SCN2A: variants seen among roughly 807,000 people sequenced by gnomAD.
SCN2A encodes sodium voltage-gated channel alpha subunit 2.
Under a neutral mutation model 188.7 loss-of-function variants are expected in SCN2A, and 20 were observed. The observed-to-expected ratio is 0.11, with a 90% CI of 0.07 to 0.15. SCN2A has a LOEUF of 0.15. Ranked by LOEUF, SCN2A falls within the 10% of genes least tolerant of loss-of-function variation. SCN2A has a pLI of 1.00. For synonymous variants in SCN2A, 804 were observed against 833.1 expected, an observed-to-expected ratio of 0.97 and a Z score of 0.60; for missense variants, 1,278 against 2,445.0, an observed-to-expected ratio of 0.52 and a Z score of 10.07.
intron 6 of SCN2A, among the ~76,000 whole-genome samples, chr2:165,309,692 G>A (rs1240544400): frequency 6.6e-6 from 1 of 152,094 alleles, no homozygotes; most frequent in African/African-American, 2.4e-5. Context: ...AGGCTACATG[G>A]TTTGCATCCT....
chr2:165,367,877 C>T (rs904843625), intron 19 of SCN2A, among the ~76,000 whole-genome samples: 2 of 152,032 alleles, frequency 1.3e-5, no homozygotes, highest in African/African-American at 4.8e-5. Context: ...CCATACCGGC[C>T]CCACAGGAGC....
Position 165,239,521 on chromosome 2 carries a change from G to A in SCN2A, c.-171G>A. 2.2e-6 allele frequency: 1 copy of A among 462,530 alleles called. No homozygotes were observed. The highest frequency in any genetic ancestry group is 2.8e-6 in the Non-Finnish European group (1 of 352,352). The allele number at this position is 462,530 out of a possible 1,614,324, so 28.7% of individuals were successfully genotyped here. A position where few individuals can be genotyped will look rare whatever the true frequency, so the allele number is the denominator to read the frequency against. On this transcript the variant is annotated 5_prime_UTR_variant, in exon 1 of 27. Transcript: ENST00000375437. ...GTTTTTTTCTTCTTTAATGAGGATA[G>A]AGCACATGTGAGATTTTACTTTCTA...
intron 3 of SCN2A, among the ~76,000 whole-genome samples, chr2:165,303,206 G>A (rs1244003983): frequency 6.6e-6 from 1 of 150,812 alleles, no homozygotes; most frequent in Non-Finnish European, 1.5e-5. Context: ...TTGATGCATG[G>A]CATCACCAAT....
At chr2:165,327,636 T>G (rs1426720661) in intron 13 of SCN2A, 1 of 153,102 alleles carries the variant, frequency 6.5e-6, no homozygotes, top group Non-Finnish European at 1.5e-5. Flanking sequence ...ATTTGTGACT[T>G]TGAATTTCAG....
intron 14 of SCN2A, among the ~76,000 whole-genome samples, chr2:165,340,114 G>C (rs181626551): frequency 2.0e-5 from 3 of 152,270 alleles, no homozygotes; most frequent in South Asian, 4.1e-4. Context: ...CCTCCACTTC[G>C]ATCTTATGCC....
rs1698918401 is a variant in SCN2A at position 165,335,167 on chromosome 2, G to A, written c.2388+3599G>A. ...ATAGATTAGAGGAAAATATTGTTAA[G>A]ATGGCAATACTCACCAAATTAATCT... On this transcript the variant is annotated intron_variant, in intron 14 of 26. Coordinates refer to ENST00000375437, the MANE Select transcript of SCN2A (RefSeq NM_001040142.2). Among the ~76,000 whole-genome samples, 3 of 151,508 alleles carry A rather than the reference G, an allele frequency of 2.0e-5. No homozygotes were observed. The South Asian group carries it at 6.2e-4, about 31-fold the overall frequency.
chr2:165,321,486 G>A (rs546150444), intron 11 of SCN2A, among the ~76,000 whole-genome samples: 2 of 152,280 alleles, frequency 1.3e-5, no homozygotes, highest in African/African-American at 4.8e-5. Flanking sequence ...TCATGCTGCT[G>A]ATAAAGACAT....
At chr2:165,361,784 T>C (rs1700470934) in intron 17 of SCN2A, among the ~76,000 whole-genome samples, 1 of 151,942 alleles carries the variant, frequency 6.6e-6, no homozygotes, top group Non-Finnish European at 1.5e-5. Flanking sequence ...GAAAACACTG[T>C]CAAAATGATT....
chr2:165,280,801 C>T (rs566605618), intron 1 of SCN2A, among the ~76,000 whole-genome samples: 88 of 152,288 alleles, frequency 5.8e-4, no homozygotes, highest in African/African-American at 2.0e-3. Context: ...AGGAGTACCT[C>T]CTTAACTAAT....
intron 1 of SCN2A, among the ~76,000 whole-genome samples, chr2:165,265,471 C>CTATATATATA (rs1178289931): frequency 0.012 from 341 of 28,972 alleles, 26 homozygotes; most frequent in Non-Finnish European, 0.016. Flanking sequence ...CTCTGTTGAT[C>CTATATATATA]TATATATATA....
At position 165,342,557 on chromosome 2, in the gene SCN2A, A is replaced by G. The variant is rs2105315084; in HGVS notation, c.2562+88A>G. 3 of 1,364,284 alleles carry G rather than the reference A, an allele frequency of 2.2e-6. No homozygotes were observed. The Admixed American group carries it at 5.0e-5, about 23-fold the overall frequency. The allele number at this position is 1,364,284 out of a possible 1,614,324, so 84.5% of individuals were successfully genotyped here. ...AGTAAAAATGGCAAGATTTCCCATCATTATAATATTATTTGAATACACTTC... is the reference window on the plus strand; with the variant it reads ...AGTAAAAATGGCAAGATTTCCCATCGTTATAATATTATTTGAATACACTTC... On this transcript the variant is annotated intron_variant, in intron 15 of 26. Transcript: ENST00000375437.
chr2:165,387,577 T>A (rs1050310643), intron 26 of SCN2A, among the ~76,000 whole-genome samples: 12 of 152,156 alleles, frequency 7.9e-5, no homozygotes, highest in African/African-American at 2.9e-4. Context: ...AGATTTGTTA[T>A]CATCAATGAT....
chr2:165,242,954 G>C (rs1693684353), intron 1 of SCN2A, among the ~76,000 whole-genome samples: 1 of 152,156 alleles, frequency 6.6e-6, no homozygotes, highest in African/African-American at 2.4e-5. Context: ...TTGTTCCTCA[G>C]TAAAGGCTAT....
In SCN2A at chr2:165,248,074, C is replaced by G. The variant is rs181026995; in HGVS notation, c.-52+8434C>G. Reference sequence around the variant, plus strand: ...AATATACCCAGGATCTATGTGCTGCCACCTTCACACTGCTACCCTGCTCAA... The same window carrying G: ...AATATACCCAGGATCTATGTGCTGCGACCTTCACACTGCTACCCTGCTCAA... On this transcript the variant is annotated intron_variant, in intron 1 of 26. Coordinates refer to ENST00000375437, the MANE Select transcript of SCN2A (RefSeq NM_001040142.2). 1.1e-4 allele frequency among the ~76,000 whole-genome samples: 16 copies of G among 152,228 alleles called. No homozygotes were observed. In the East Asian group the frequency reaches 2.9e-3, roughly 28 times the overall value.
intron 1 of SCN2A, among the ~76,000 whole-genome samples, chr2:165,280,313 A>G (rs1695528775): frequency 6.6e-6 from 1 of 152,156 alleles, no homozygotes; most frequent in African/African-American, 2.4e-5. Flanking sequence ...GGATTGTCCT[A>G]AGCACTAGCG....
At chr2:165,245,374 GAGA>G (rs1693802352) in intron 1 of SCN2A, 2 of 152,202 alleles carry the variant, frequency 1.3e-5, no homozygotes, top group African/African-American at 2.4e-5. Flanking sequence ...CTGACACCTT[GAGA>G]AGAAGGATGT....
intron 1 of SCN2A, chr2:165,271,145 G>A (rs1449300958): frequency 6.6e-6 from 1 of 151,940 alleles, no homozygotes; most frequent in Non-Finnish European, 1.5e-5. Flanking sequence ...TTTGTATGTT[G>A]TTCTCTTATG....
chr2:165,328,517 A>G, intron 13 of SCN2A: 7 of 985,738 alleles, frequency 7.1e-6, no homozygotes, highest in Non-Finnish European at 8.4e-6. Flanking sequence ...TCCCTAAAGC[A>G]GGAAGTAGAG....
chr2:165,383,771 A>G (rs1440846411), intron 25 of SCN2A, among the ~76,000 whole-genome samples: 1 of 152,188 alleles, frequency 6.6e-6, no homozygotes, highest in Non-Finnish European at 1.5e-5. Context: ...ACCAACAAGA[A>G]TGACTGGTGT....
Sources: allele counts gnomAD v4.1 joint callset (sites outside exome capture counted in the v4.1 genomes callset), GRCh38; gene constraint gnomAD v4.1.1; transcripts MANE v1.5; gene names NCBI Gene and HGNC (gene_info 2026-07-23, HGNC 2026-07-21).